STRA6: variants seen among roughly 807,000 people sequenced by gnomAD.
The protein encoded by STRA6 is signaling receptor and transporter of retinol STRA6.
STRA6 carries 48 observed loss-of-function variants against 83.6 expected under a neutral mutation model. That is an observed-to-expected ratio of 0.57 (90% CI 0.46 to 0.73). The LOEUF is 0.73. Among genes scored for constraint, STRA6 ranks in the 30% least tolerant of loss-of-function variants. The pLI, the probability that STRA6 is intolerant of heterozygous loss-of-function variation, is 0.00. For synonymous variants in STRA6, 353 were observed against 362.3 expected, an observed-to-expected ratio of 0.97 and a Z score of 0.29; for missense variants, 760 against 838.8, an observed-to-expected ratio of 0.91 and a Z score of 1.16.
At chr15:74,190,466 C>T (rs1339240132) in intron 11 of STRA6, among the ~76,000 whole-genome samples, 1 of 151,076 alleles carries the variant, frequency 6.6e-6, no homozygotes, top group Non-Finnish European at 1.5e-5. Context: ...GTTTATCAAA[C>T]ATGTTGTCTT....
intron 8 of STRA6, 64 bp from the exon 9 acceptor site, chr15:74,191,555 C>T (rs1327293938): frequency 1.4e-6 from 2 of 1,401,136 alleles, no homozygotes; most frequent in Non-Finnish European, 2.0e-6. Flanking sequence ...GGGTCCCTGG[C>T]TCAGGGAACT....
At chr15:74,192,195 C>T (rs1005717555) in intron 8 of STRA6, among the ~76,000 whole-genome samples, 1 of 152,156 alleles carries the variant, frequency 6.6e-6, no homozygotes, top group Non-Finnish European at 1.5e-5. Context: ...GTACACCTCT[C>T]AAGCCTGGGA....
upstream of STRA6, among the ~76,000 whole-genome samples, chr15:74,204,530 C>T (rs2074212438): frequency 6.6e-6 from 1 of 152,234 alleles, no homozygotes; most frequent in Admixed American, 6.5e-5. Context: ...AGCCAACTCC[C>T]ATCTGATTTT....
chr15:74,195,239 C>T, intron 7 of STRA6, 63 bp downstream of exon 7: 1 of 1,590,838 alleles, frequency 6.3e-7, no homozygotes. Flanking sequence ...AAAGGAGGCA[C>T]TGTGGTTTGA....
At chr15:74,189,783 C>T (rs923968590) in intron 11 of STRA6, among the ~76,000 whole-genome samples, 2 of 152,004 alleles carry the variant, frequency 1.3e-5, no homozygotes, top group African/African-American at 4.8e-5. Flanking sequence ...CCTGCCTCAG[C>T]CTCCTGAGTA....
chr15:74,180,324 C>T, intron 18 of STRA6, 81 bp from the exon 19 acceptor site: 1 of 1,571,510 alleles, frequency 6.4e-7, no homozygotes, highest in Admixed American at 1.7e-5. Context: ...ATCAGAGAGC[C>T]TGAAAATCCC....
Position 74,181,385 on chromosome 15 carries a change from G to T in STRA6, c.1594C>A (p.Arg532=), listed in dbSNP as rs570214336. ...TTGTAGAGGGCAGAGAGGAGCACTCGCCAGGTGGCCACCATGGCACCCACC... is the reference window on the plus strand; with the variant it reads ...TTGTAGAGGGCAGAGAGGAGCACTCTCCAGGTGGCCACCATGGCACCCACC... ...VLVGAMVATW[R]VLLSALYNAI... Residue 532 remains arginine (R), a synonymous_variant, in exon 17 of 19, where the codon CGA becomes AGA. Coordinates refer to ENST00000395105, the MANE Select transcript of STRA6 (RefSeq NM_022369.4). 3.1e-6 allele frequency: 5 copies of T among 1,613,294 alleles called. No individual in the cohort carries two copies. In the South Asian group the frequency reaches 5.5e-5, roughly 18 times the overall value.
upstream of STRA6, chr15:74,203,007 C>T (rs1169480749): frequency 4.1e-6 from 4 of 986,154 alleles, no homozygotes; most frequent in South Asian, 1.4e-4. Context: ...ACATACCTGC[C>T]TTCAGCGCCT....
At chr15:74,204,889 C>T (rs760802160), upstream of STRA6, among the ~76,000 whole-genome samples, 3 of 151,994 alleles carry the variant, frequency 2.0e-5, no homozygotes, top group Non-Finnish European at 2.9e-5. Flanking sequence ...GAGCCAAGAT[C>T]GTGCCACTGC....
At chr15:74,181,090 C>T (rs913470302) in intron 17 of STRA6, among the ~76,000 whole-genome samples, 153 bp from the exon 18 acceptor site, 2 of 152,112 alleles carry the variant, frequency 1.3e-5, no homozygotes, top group African/African-American at 4.8e-5. Flanking sequence ...GCTGCATGGG[C>T]ACGTGTGGAC....
chr15:74,210,056 G>A (rs2074346666), upstream of STRA6, among the ~76,000 whole-genome samples: 1 of 152,234 alleles, frequency 6.6e-6, no homozygotes, highest in African/African-American at 2.4e-5. Flanking sequence ...GAGAGAGGGA[G>A]AGAGAGAGCA....
chr15:74,202,891 T>G, upstream of STRA6: 7 of 997,966 alleles, frequency 7.0e-6, no homozygotes, highest in African/African-American at 1.7e-5. Flanking sequence ...CCATAATCCT[T>G]GACAAAGCCC....
At chr15:74,203,606 A>G (rs911382216), upstream of STRA6, among the ~76,000 whole-genome samples, 2 of 152,232 alleles carry the variant, frequency 1.3e-5, no homozygotes, top group African/African-American at 4.8e-5. Flanking sequence ...TTAAGAAGAC[A>G]TTATTCATTT....
intron 1 of STRA6, among the ~76,000 whole-genome samples, chr15:74,208,241 T>C (rs780488688): frequency 6.6e-6 from 1 of 152,008 alleles, no homozygotes; most frequent in Non-Finnish European, 1.5e-5. Flanking sequence ...GAGGCCCCCA[T>C]CAAGGGAGGC....
chr15:74,189,666 C>CTTT (rs565194026), intron 11 of STRA6, among the ~76,000 whole-genome samples: 2 of 140,534 alleles, frequency 1.4e-5, no homozygotes, highest in Non-Finnish European at 1.6e-5. Context: ...ACAACTTCTT[C>CTTT]TTTTTTTTTT....
chr15:74,194,602 G>T, intron 7 of STRA6: 1 of 538,278 alleles, frequency 1.9e-6, no homozygotes, highest in Non-Finnish European at 2.8e-6. Flanking sequence ...GCATCATTTT[G>T]TTTGCGTGTC....
Position 74,182,444 on chromosome 15 carries a change from C to T in STRA6, c.1317G>A (p.Gln439=), listed in dbSNP as rs2073041431. ...CCGTGGTTCCCAGGAAGAAGATGAT[C>T]TGCTGCACCAGGAGCCCTGCCAGGG... ...AFICLGLLVQ[Q]IIFFLGTTAL... The change falls in exon 15 of 19, where the codon CAG becomes CAA. Residue 439 remains glutamine (Q), a synonymous_variant. Transcript: ENST00000395105. The T allele has an allele frequency of 1.2e-6, 2 of 1,610,016 alleles. No homozygotes were observed. Among genetic ancestry groups the T allele is most frequent in the Non-Finnish European group, 8.5e-7 (1 of 1,178,216 alleles).
At chr15:74,192,992 C>T (rs555574632) in intron 8 of STRA6, among the ~76,000 whole-genome samples, 32 of 152,266 alleles carry the variant, frequency 2.1e-4, no homozygotes, top group Middle Eastern at 3.4e-3. Flanking sequence ...GCACTGAGCC[C>T]GGGGCCTGAC....
upstream of STRA6, among the ~76,000 whole-genome samples, chr15:74,204,701 G>A (rs936909338): frequency 6.6e-6 from 1 of 152,200 alleles, no homozygotes. Flanking sequence ...GGGAGGCCGA[G>A]GCAGGTGGAT....
Sources: gnomAD v4.1 joint callset for allele counts (sites outside exome capture counted in the v4.1 genomes callset) on GRCh38, gnomAD v4.1.1 for gene constraint, MANE v1.5 for transcripts, NCBI Gene and HGNC (gene_info 2026-07-23, HGNC 2026-07-21) for gene names.